GRM7: variants seen among roughly 807,000 people sequenced by gnomAD.
GRM7 encodes metabotropic glutamate receptor 7.
GRM7 carries 35 observed loss-of-function variants against 84.5 expected under a neutral mutation model. The observed-to-expected ratio is 0.41, with a 90% confidence interval of 0.32 to 0.55. GRM7 has a LOEUF of 0.55. Ranked by LOEUF, GRM7 falls within the 20% of genes least tolerant of loss-of-function variation. GRM7 has a pLI of 0.19. For synonymous variants in GRM7, 487 were observed against 455.1 expected (o/e 1.07, Z -0.89); for missense variants, 1,003 against 1,194.6 (o/e 0.84, Z 2.36).
At chr3:7,069,076 A>G (rs964633178) in intron 1 of GRM7, among the ~76,000 whole-genome samples, 2 of 149,180 alleles carry the variant, frequency 1.3e-5, no homozygotes, top group Admixed American at 6.7e-5. Context: ...TATATATATC[A>G]TATATTAATC....
At chr3:7,354,628 C>G (rs191885916) in intron 4 of GRM7, among the ~76,000 whole-genome samples, 289 of 152,204 alleles carry the variant, frequency 1.9e-3, no homozygotes, top group Non-Finnish European at 3.2e-3. Context: ...GTGGTGATTC[C>G]CACATCCCCA....
intron 7 of GRM7, among the ~76,000 whole-genome samples, chr3:7,482,362 C>T (rs1042014125): frequency 1.3e-5 from 2 of 151,988 alleles, no homozygotes; most frequent in Non-Finnish European, 2.9e-5. Context: ...ACTGACATAA[C>T]CTGAAGAAAG....
At chr3:7,300,503 C>T (rs1242162687) in intron 3 of GRM7, among the ~76,000 whole-genome samples, 1 of 152,190 alleles carries the variant, frequency 6.6e-6, no homozygotes, top group Non-Finnish European at 1.5e-5. Context: ...CTCAAGTCTC[C>T]TACCAATCAA....
At position 7,575,389 on chromosome 3, in the gene GRM7, G is replaced by A. The variant is rs189338581; in HGVS notation, c.1516-3033G>A. ...CAGCTAACTGAAACAGTTTTGTTGCGGAGTTCAGGAGAAACTTGAAATTTA... is the reference window on the plus strand; with the variant it reads ...CAGCTAACTGAAACAGTTTTGTTGCAGAGTTCAGGAGAAACTTGAAATTTA... On this transcript the variant is annotated intron_variant, in intron 7 of 9. Coordinates refer to ENST00000357716, the MANE Select transcript of GRM7 (RefSeq NM_000844.4). 1.7e-4 allele frequency among the ~76,000 whole-genome samples: 26 copies of A among 152,006 alleles called. No individual in the cohort carries two copies. The East Asian group carries it at 2.3e-3, about 14-fold the overall frequency.
rs138973016 is a variant in GRM7 at position 7,598,917 on chromosome 3, T to C, written c.2451+19560T>C. ...GCTTGAATATAATGATATAAAGATA[T>C]CTTGATATCTATAGTTAATGAGACC... is the stretch of plus-strand genomic sequence containing the variant. On this transcript the variant is annotated intron_variant, in intron 8 of 9. Coordinates refer to ENST00000357716, the MANE Select transcript of GRM7 (RefSeq NM_000844.4). 2.4e-4 allele frequency among the ~76,000 whole-genome samples: 37 copies of C among 152,304 alleles called. No individual in the cohort carries two copies. The East Asian group carries it at 7.1e-3, about 29-fold the overall frequency.
intron 1 of GRM7, among the ~76,000 whole-genome samples, chr3:6,888,905 A>C (rs1001527074): frequency 5.3e-5 from 8 of 151,998 alleles, no homozygotes; most frequent in African/African-American, 1.7e-4. Flanking sequence ...TCTTTATTTC[A>C]TTGAGCAGTG....
chr3:7,579,611 G>T (rs746905033), intron 8 of GRM7, among the ~76,000 whole-genome samples: 1 of 152,166 alleles, frequency 6.6e-6, no homozygotes, highest in Non-Finnish European at 1.5e-5. Context: ...TAAATGTAAT[G>T]AGAGATTATC....
intron 1 of GRM7, among the ~76,000 whole-genome samples, chr3:6,980,891 C>T (rs961840964): frequency 1.3e-5 from 2 of 152,198 alleles, no homozygotes; most frequent in South Asian, 2.1e-4. Context: ...GATGATCCCT[C>T]CTCATAACCC....
chr3:7,688,367 C>CAATAA (rs1381695215), intron 9 of GRM7, among the ~76,000 whole-genome samples: 27 of 152,204 alleles, frequency 1.8e-4, no homozygotes, highest in African/African-American at 5.3e-4. Context: ...GGTCTGTTTC[C>CAATAA]TATGTCAATA....
At chr3:7,632,237 A>G (rs1697888161) in intron 8 of GRM7, among the ~76,000 whole-genome samples, 1 of 152,170 alleles carries the variant, frequency 6.6e-6, no homozygotes, top group Non-Finnish European at 1.5e-5. Flanking sequence ...CAAGCAAGAA[A>G]GATACATGAC....
intron 2 of GRM7, among the ~76,000 whole-genome samples, chr3:7,271,767 C>A (rs975688298): frequency 1.3e-5 from 2 of 152,056 alleles, no homozygotes; most frequent in Non-Finnish European, 2.9e-5. Flanking sequence ...AAAGAAAATA[C>A]AAAACCAAAG....
intron 2 of GRM7, among the ~76,000 whole-genome samples, chr3:7,220,502 G>GA (rs1696764857): frequency 6.6e-6 from 1 of 152,100 alleles, no homozygotes; most frequent in African/African-American, 2.4e-5. Flanking sequence ...AGAAAACAAG[G>GA]AAAGTTGGAA....
chr3:7,446,483 C>T (rs527424131), intron 5 of GRM7, among the ~76,000 whole-genome samples: 20 of 122,180 alleles, frequency 1.6e-4, no homozygotes, highest in East Asian at 1.3e-3. Context: ...TTTTTTGAGA[C>T]GGAGTCTCAT....
intron 7 of GRM7, among the ~76,000 whole-genome samples, chr3:7,571,485 A>G (rs1272539691): frequency 6.6e-6 from 1 of 152,206 alleles, no homozygotes; most frequent in Non-Finnish European, 1.5e-5. Flanking sequence ...TCTTTGCTAA[A>G]CCATAAGAAT....
At chr3:7,205,543 G>A (rs1696207982) in intron 2 of GRM7, among the ~76,000 whole-genome samples, 1 of 152,128 alleles carries the variant, frequency 6.6e-6, no homozygotes, top group Admixed American at 6.5e-5. Context: ...CTTATATAAT[G>A]TTTCCTTTTG....
intron 1 of GRM7, among the ~76,000 whole-genome samples, chr3:6,871,610 T>C (rs1358370988): frequency 1.3e-5 from 2 of 151,908 alleles, no homozygotes; most frequent in Non-Finnish European, 2.9e-5. Flanking sequence ...TTTTGTGGCT[T>C]AACCAAAATT....
chr3:7,327,971 A>AAAC (rs1028649365), intron 4 of GRM7, among the ~76,000 whole-genome samples: 2 of 150,064 alleles, frequency 1.3e-5, no homozygotes, highest in African/African-American at 4.9e-5. Context: ...TAGATGAGGA[A>AAAC]AACAACACTT....
rs143892032 is a variant in GRM7 at position 7,264,316 on chromosome 3, C to T, written c.737-34368C>T. On this transcript the variant is annotated intron_variant, in intron 2 of 9. Transcript: ENST00000357716. ...GTGCTTTCCTGGCTGTGCTCCACTA[C>T]AGACACTCCTGCGCCAAATCCTCTG... Among the ~76,000 whole-genome samples the T allele has an allele frequency of 7.9e-4, 121 of 152,208 alleles. 2 individuals are homozygous for T. The East Asian group carries it at 0.019, about 23-fold the overall frequency.
chr3:7,481,951 G>T (rs1699146150), intron 7 of GRM7, among the ~76,000 whole-genome samples: 2 of 152,216 alleles, frequency 1.3e-5, no homozygotes, highest in Non-Finnish European at 2.9e-5. Flanking sequence ...CACTTTGGGA[G>T]GCTGAGGCGA....
Sources: allele counts gnomAD v4.1 joint callset (sites outside exome capture counted in the v4.1 genomes callset), GRCh38; gene constraint gnomAD v4.1.1; transcripts MANE v1.5; gene names NCBI Gene and HGNC (gene_info 2026-07-23, HGNC 2026-07-21).